The following TGM5 variants were observed in gnomAD, a reference collection of about 807,000 sequenced individuals.
TGM5 encodes the protein transglutaminase 5, also known as protein-glutamine gamma-glutamyltransferase 5.
Under a neutral mutation model 77.2 loss-of-function variants are expected in TGM5, and 69 were observed. That is an observed-to-expected ratio of 0.89 (90% CI 0.74 to 1.09). The LOEUF (loss-of-function observed/expected upper bound fraction) is 1.09, where lower values mean the gene tolerates loss of function less well. TGM5 is among the 50% of genes least tolerant of loss of function. The pLI is 0.00. For synonymous variants in TGM5, 346 were observed against 351.8 expected (o/e 0.98, Z 0.18); for missense variants, 842 against 896.5 (o/e 0.94, Z 0.78).
chr15:43,266,213 A>G (rs943845398), intron 1 of TGM5, among the ~76,000 whole-genome samples: 1 of 152,252 alleles, frequency 6.6e-6, no homozygotes. Context: ...AAACACAAAA[A>G]GTAATAAATA....
chr15:43,233,487 T>A, intron 12 of TGM5, 67 bp downstream of exon 12: 1 of 1,613,558 alleles, frequency 6.2e-7, no homozygotes, highest in Non-Finnish European at 8.5e-7. Context: ...GGAACCCATG[T>A]TCAGGAAGGA....
rs200699074 is a variant in TGM5, at chr15:43,235,794, C to G, written c.1389G>C (p.Lys463Asn). The G allele has an allele frequency of 6.2e-7, 1 of 1,614,172 alleles. No homozygotes were observed. Among genetic ancestry groups the G allele is most frequent in the East Asian group, 2.2e-5 (1 of 44,878 alleles). The change falls in exon 10 of 13, where the codon AAG (lysine) becomes AAC (asparagine). Residue 463 changes from lysine (K) to asparagine (N), a missense_variant. Physicochemically the swap from Lys to Asn is moderately conservative, Grantham distance 94 (BLOSUM62 0). Transcript: ENST00000220420. Reference protein sequence around the residue: ...ERQVFLKALQKLKARSFHGSQ... With the variant: ...ERQVFLKALQNLKARSFHGSQ... ...AGCCATGGAAGCTTCTAGCCTTCAGCTTCTGCAGAGCCTTCAGAAACACCT... is the reference window on the plus strand; with the variant it reads ...AGCCATGGAAGCTTCTAGCCTTCAGGTTCTGCAGAGCCTTCAGAAACACCT...
rs755308422 is a variant in TGM5 at position 43,260,538 on chromosome 15, T to G, written c.52A>C (p.Asn18His). The stretch of plus-strand genomic sequence containing the variant: ...ATCTCCTCCGTGTGGTGCCGCACAT[T>G]ATTTCTGGAGCTCTGGAGGTCTGTG... ...ALTDLQSSRN[N>H]VRHHTEEITV... The change falls in exon 2 of 13, where the codon AAT becomes CAT. Residue 18 changes from asparagine to histidine, a missense_variant. Physicochemically the swap from Asn to His is moderately conservative, Grantham distance 68. This residue lies in a region of TGM5 where 815 missense variants were observed against 844.6 expected (regional missense o/e 0.96). Transcript: ENST00000220420. 1 of 1,614,072 alleles carries G rather than the reference T, an allele frequency of 6.2e-7. No homozygotes were observed. The highest frequency in any genetic ancestry group is 8.5e-7 in the Non-Finnish European group (1 of 1,179,956).
intron 3 of TGM5, among the ~76,000 whole-genome samples, chr15:43,256,897 C>T (rs2042746062): frequency 6.6e-6 from 1 of 152,028 alleles, no homozygotes; most frequent in Non-Finnish European, 1.5e-5. Flanking sequence ...TAAAAATTTC[C>T]CTTTGGTGGA....
chr15:43,249,741 C>G (rs512431), intron 6 of TGM5, among the ~76,000 whole-genome samples: 79,595 of 152,108 alleles, frequency 0.52, 25,622 homozygotes, highest in Non-Finnish European at 0.68. Context: ...AAAGGGTAGG[C>G]CAGGGAGTTC....
chr15:43,241,827 A>T (rs934145901), intron 6 of TGM5, among the ~76,000 whole-genome samples: 1 of 151,618 alleles, frequency 6.6e-6, no homozygotes, highest in Non-Finnish European at 1.5e-5. Context: ...TTTAGTAGAG[A>T]CGGGGTTTTA....
chr15:43,252,846 C>T lies in TGM5; in HGVS notation c.775G>A (p.Val259Met), dbSNP rs201451548. The T allele has an allele frequency of 5.6e-6, 9 of 1,613,986 alleles. No individual in the cohort carries two copies. The highest frequency in any genetic ancestry group is 5.3e-5 in the African/African-American group (4 of 75,048). The change falls in exon 6 of 13, where the codon GTG (valine) becomes ATG (methionine). Residue 259 changes from valine (V) to methionine (M), a missense_variant. Physicochemically the swap from Val to Met is conservative, Grantham distance 21. Transcript: ENST00000220420. ...GCGTTCCACTGCTTCAGGATGGCCA[C>T]GCTGCCCGTCCACTCCGCAGGGTTG... ...GANPAEWTGSVAILKQWNATG... is the reference protein window; with the variant it reads ...GANPAEWTGSMAILKQWNATG...
intron 12 of TGM5, 72 bp downstream of exon 12, chr15:43,233,482 C>T (rs1357733482): frequency 3.7e-6 from 6 of 1,613,316 alleles, no homozygotes; most frequent in Non-Finnish European, 5.1e-6. Context: ...GCTCAGGAAC[C>T]CATGTTCAGG....
intron 2 of TGM5, 36 bp downstream of exon 2, chr15:43,260,364 C>T (rs770843626): frequency 5.6e-6 from 9 of 1,614,182 alleles, no homozygotes; most frequent in Admixed American, 3.3e-5. Flanking sequence ...CCCTCCCAGA[C>T]ACACACAGCC....
rs1218872413 is a variant in TGM5, at chr15:43,260,110, C to A, written c.378G>T (p.Gly126=). 3 of 1,614,154 alleles carry A rather than the reference C, an allele frequency of 1.9e-6. No individual in the cohort carries two copies. Among genetic ancestry groups the A allele is most frequent in the Non-Finnish European group, 1.7e-6 (2 of 1,180,034 alleles). The part of the protein sequence containing the change: ...LLKIHIDSFQ[G]SVTAYQLGEF... ...CCCCTAGCTGGTAGGCCGTCACAGA[C>A]CCCTGGAAGGAGTCGATGTGGATTT... The change falls in exon 3 of 13, where the codon GGG becomes GGT. Residue 126 remains glycine, a synonymous_variant. Transcript: ENST00000220420.
At chr15:43,261,678 A>G (rs576158698) in intron 1 of TGM5, among the ~76,000 whole-genome samples, 122 of 152,278 alleles carry the variant, frequency 8.0e-4, no homozygotes, top group Non-Finnish European at 8.8e-5. Flanking sequence ...TTCTCAGCCC[A>G]TGCCCATTCA....
At chr15:43,235,865 C>T in intron 9 of TGM5, 28 bp from the exon 10 acceptor site, 1 of 1,612,314 alleles carries the variant, frequency 6.2e-7, no homozygotes, top group Non-Finnish European at 8.5e-7. Flanking sequence ...ACAGCACCAG[C>T]TGTGAGCCAG....
intron 7 of TGM5, among the ~76,000 whole-genome samples, chr15:43,240,209 CTCAT>C (rs1290772122): frequency 1.3e-5 from 2 of 152,114 alleles, no homozygotes; most frequent in Non-Finnish European, 2.9e-5. Context: ...TCAAAAAACC[CTCAT>C]TCTAGAGAGG....
chr15:43,245,901 G>C (rs531977424), intron 6 of TGM5, among the ~76,000 whole-genome samples: 31 of 125,320 alleles, frequency 2.5e-4, no homozygotes, highest in African/African-American at 4.6e-4. Context: ...GTGTGTGTTG[G>C]GGGGGGGGGT....
intron 6 of TGM5, among the ~76,000 whole-genome samples, chr15:43,243,120 T>C (rs1008228775): frequency 6.6e-6 from 1 of 152,230 alleles, no homozygotes; most frequent in Admixed American, 6.5e-5. Context: ...CCTGAAGCAC[T>C]TTGAAGTTCT....
At chr15:43,252,655 C>T (rs1255357423) in intron 6 of TGM5, 104 bp downstream of exon 6, 1 of 1,427,356 alleles carries the variant, frequency 7.0e-7, no homozygotes, top group Non-Finnish European at 9.8e-7. Context: ...TTCCAAATGT[C>T]CCTTGGTGGG....
rs78565456 is a variant in TGM5 at position 43,265,719 on chromosome 15, C to T, written c.10+1121G>A. Among the ~76,000 whole-genome samples, 330 of 152,318 alleles carry T rather than the reference C, an allele frequency of 2.2e-3. 3 individuals carry two copies. The highest frequency in any genetic ancestry group is 7.3e-3 in the African/African-American group (305 of 41,570). Reference sequence around the variant, plus strand: ...TAGTTATCCTAGAGAGACACTCCCACGTGAGCACACAGAGGCATGGATAAG... The same window carrying T: ...TAGTTATCCTAGAGAGACACTCCCATGTGAGCACACAGAGGCATGGATAAG... On this transcript the variant is annotated intron_variant, in intron 1 of 12. Coordinates refer to ENST00000220420, the MANE Select transcript of TGM5 (RefSeq NM_201631.4).
intron 9 of TGM5, among the ~76,000 whole-genome samples, chr15:43,237,746 C>T (rs547257913): frequency 6.6e-6 from 1 of 152,260 alleles, no homozygotes; most frequent in Admixed American, 6.5e-5. Flanking sequence ...CATTATTTGT[C>T]CTTTATTTTC....
At chr15:43,263,025 G>A (rs745668455) in intron 1 of TGM5, among the ~76,000 whole-genome samples, 26 of 152,132 alleles carry the variant, frequency 1.7e-4, no homozygotes, top group Non-Finnish European at 2.6e-4. Context: ...ATTCAGCAAG[G>A]TTGCAGGACA....
Sources: allele counts gnomAD v4.1 joint callset (sites outside exome capture counted in the v4.1 genomes callset), GRCh38; gene constraint gnomAD v4.1.1; regional missense constraint gnomAD v4.1.1; transcripts MANE v1.5; gene names NCBI Gene and HGNC (gene_info 2026-07-23, HGNC 2026-07-21).